RCAN2: variants seen among roughly 807,000 people sequenced by gnomAD.
RCAN2 encodes the protein regulator of calcineurin 2, also known as calcipressin-2.
A neutral mutation model predicts 23.6 loss-of-function variants in RCAN2; 9 were observed. That is an observed-to-expected ratio of 0.38 (90% CI 0.23 to 0.67). The LOEUF (loss-of-function observed/expected upper bound fraction) is 0.67, where lower values mean the gene tolerates loss of function less well. Among genes scored for constraint, RCAN2 ranks in the 30% least tolerant of loss-of-function variants. RCAN2 has a pLI of 0.51. For synonymous variants in RCAN2, 109 were observed against 115.7 expected (o/e 0.94, Z 0.37); for missense variants, 273 against 302.3 (o/e 0.90, Z 0.72).
At chr6:46,362,214 CTTTATA>C (rs1425094044) in intron 2 of RCAN2, among the ~76,000 whole-genome samples, 1 of 152,014 alleles carries the variant, frequency 6.6e-6, no homozygotes, top group Non-Finnish European at 1.5e-5. Context: ...TGACTAATGA[CTTTATA>C]TTTAAGTAGG....
chr6:46,266,956 A>C (rs1211575080), intron 2 of RCAN2, among the ~76,000 whole-genome samples: 1 of 152,072 alleles, frequency 6.6e-6, no homozygotes, highest in South Asian at 2.1e-4. Flanking sequence ...AAAATCAAGA[A>C]TCCTCCCTGA....
chr6:46,430,838 C>T (rs1396620768), intron 2 of RCAN2, among the ~76,000 whole-genome samples: 2 of 152,090 alleles, frequency 1.3e-5, no homozygotes, highest in Non-Finnish European at 2.9e-5. Context: ...AGGCTATTAG[C>T]TGTAGGTTCT....
intron 2 of RCAN2, among the ~76,000 whole-genome samples, chr6:46,441,394 G>A (rs750736995): frequency 5.9e-5 from 9 of 152,152 alleles, no homozygotes; most frequent in Admixed American, 2.0e-4. Context: ...TGGGACACCC[G>A]AAGAATGAGG....
In RCAN2 at chr6:46,240,064, G is replaced by A. The variant is rs530562967; in HGVS notation, c.571+6684C>T. On this transcript the variant is annotated intron_variant, in intron 4 of 4. Coordinates refer to ENST00000371374, the MANE Select transcript of RCAN2 (RefSeq NM_001251974.2). ...CCACATGGGGTGAGAGGAAAGTGGC[G>A]GAGATGAAGAAAGGGGGAGCTGCCT... 5.9e-5 allele frequency among the ~76,000 whole-genome samples: 9 copies of A among 152,230 alleles called. No individual in the cohort carries two copies. In the East Asian group the frequency reaches 1.4e-3, roughly 23 times the overall value.
intron 2 of RCAN2, among the ~76,000 whole-genome samples, chr6:46,334,624 C>A (rs1764084327): frequency 6.6e-6 from 1 of 152,148 alleles, no homozygotes; most frequent in Non-Finnish European, 1.5e-5. Flanking sequence ...AAGAGGGGCA[C>A]AAAATGCAAT....
chr6:46,352,671 C>T (rs1359437618), intron 2 of RCAN2, among the ~76,000 whole-genome samples: 1 of 152,152 alleles, frequency 6.6e-6, no homozygotes, highest in Non-Finnish European at 1.5e-5. Context: ...TTATGGAACT[C>T]ATCTAAGTAA....
intron 1 of RCAN2, among the ~76,000 whole-genome samples, chr6:46,469,655 A>G (rs1768498821): frequency 6.6e-6 from 1 of 152,168 alleles, no homozygotes; most frequent in South Asian, 2.1e-4. Context: ...TGGGAAGAGG[A>G]TGTATACCAT....
chr6:46,402,629 G>A (rs1035956586), intron 2 of RCAN2, among the ~76,000 whole-genome samples: 3 of 152,296 alleles, frequency 2.0e-5, no homozygotes, highest in African/African-American at 7.2e-5. Context: ...CACCCAGAAG[G>A]AAGGAACACT....
intron 2 of RCAN2, among the ~76,000 whole-genome samples, chr6:46,358,095 T>C (rs994123086): frequency 1.3e-5 from 2 of 152,200 alleles, no homozygotes; most frequent in Non-Finnish European, 2.9e-5. Flanking sequence ...AATAACGTTA[T>C]AATCCCGGTG....
At chr6:46,444,912 G>A (rs1767657628) in intron 2 of RCAN2, among the ~76,000 whole-genome samples, 1 of 151,976 alleles carries the variant, frequency 6.6e-6, no homozygotes, top group South Asian at 2.1e-4. Context: ...CCGGCCCCCA[G>A]GCTCCACACT....
intron 4 of RCAN2, among the ~76,000 whole-genome samples, chr6:46,240,038 T>A (rs1266003582): frequency 6.6e-6 from 1 of 152,076 alleles, no homozygotes; most frequent in Non-Finnish European, 1.5e-5. Context: ...AAGGGGCTCC[T>A]CCACATGGGG....
Position 46,303,856 on chromosome 6 carries a change from G to C in RCAN2, c.226-54960C>G, listed in dbSNP as rs371022637. Among the ~76,000 whole-genome samples the C allele has an allele frequency of 3.9e-5, 6 of 152,010 alleles. 1 individual carries two copies. Among genetic ancestry groups the C allele is most frequent in the East Asian group, 3.9e-4 (2 of 5,162 alleles). On this transcript the variant is annotated intron_variant, in intron 2 of 4. Coordinates refer to ENST00000371374, the MANE Select transcript of RCAN2 (RefSeq NM_001251974.2). ...GACTAAATTTATTCATCTATTTTTTGGTATGGACATTTGGATCTTTTCCAC... is the reference window on the plus strand; with the variant it reads ...GACTAAATTTATTCATCTATTTTTTCGTATGGACATTTGGATCTTTTCCAC...
At chr6:46,410,270 T>C (rs531948545) in intron 2 of RCAN2, among the ~76,000 whole-genome samples, 1 of 152,218 alleles carries the variant, frequency 6.6e-6, no homozygotes, top group Non-Finnish European at 1.5e-5. Flanking sequence ...AGGTCCATCA[T>C]GGGACTTAGC....
intron 2 of RCAN2, among the ~76,000 whole-genome samples, chr6:46,258,291 G>A (rs866175585): frequency 3.3e-5 from 5 of 152,292 alleles, no homozygotes; most frequent in South Asian, 2.1e-4. Flanking sequence ...CTTATGTGAC[G>A]GGCATAACTG....
chr6:46,462,416 G>A (rs940892533), intron 1 of RCAN2, among the ~76,000 whole-genome samples: 7 of 152,108 alleles, frequency 4.6e-5, no homozygotes, highest in Admixed American at 2.6e-4. Context: ...GAGGGTTTGC[G>A]ACCATTTCAT....
chr6:46,455,786 G>C (rs765192420), intron 2 of RCAN2, among the ~76,000 whole-genome samples: 36 of 151,454 alleles, frequency 2.4e-4, no homozygotes, highest in South Asian at 4.2e-4. Flanking sequence ...AACCCAAGGA[G>C]GTGGAGCTGG....
At chr6:46,373,660 G>A (rs868566438) in intron 2 of RCAN2, among the ~76,000 whole-genome samples, 1 of 152,182 alleles carries the variant, frequency 6.6e-6, no homozygotes, top group Non-Finnish European at 1.5e-5. Context: ...AATCAATGAA[G>A]ATGGTGATGT....
intron 2 of RCAN2, among the ~76,000 whole-genome samples, chr6:46,345,928 A>G (rs145914635): frequency 1.1e-4 from 16 of 152,258 alleles, no homozygotes; most frequent in Non-Finnish European, 2.1e-4. Context: ...ACAAATATTT[A>G]TTTTAAAAAC....
intron 2 of RCAN2, among the ~76,000 whole-genome samples, chr6:46,376,736 G>A (rs1019007907): frequency 1.3e-5 from 2 of 151,246 alleles, no homozygotes; most frequent in African/African-American, 4.9e-5. Flanking sequence ...AACACGGTAG[G>A]CTCTGGGCCT....
Sources: gnomAD v4.1 joint callset for allele counts (sites outside exome capture counted in the v4.1 genomes callset) on GRCh38, gnomAD v4.1.1 for gene constraint, MANE v1.5 for transcripts, NCBI Gene and HGNC (gene_info 2026-07-23, HGNC 2026-07-21) for gene names.